FLNB: variants seen among roughly 807,000 people sequenced by gnomAD.
FLNB encodes filamin-B.
A neutral mutation model predicts 250.6 loss-of-function variants in FLNB; 111 were observed. The observed-to-expected ratio is 0.44, with a 90% CI of 0.38 to 0.52. FLNB has a LOEUF of 0.52. FLNB is among the 20% of genes least tolerant of loss of function. The pLI, the probability that FLNB is intolerant of heterozygous loss-of-function variation, is 0.00. For missense variants in FLNB, 2,869 were observed against 3,447.8 expected (o/e 0.83, Z 4.20); for synonymous variants, 1,302 against 1,372.1 (o/e 0.95, Z 1.13).
chr3:58,078,297 A>C, intron 2 of FLNB: 1 of 1,432,480 alleles, frequency 7.0e-7, no homozygotes. Flanking sequence ...GGCTTTTAAG[A>C]TAATTCTAGG....
intron 1 of FLNB, among the ~76,000 whole-genome samples, chr3:58,053,166 T>C (rs2097165169): frequency 6.6e-6 from 1 of 152,230 alleles, no homozygotes; most frequent in African/African-American, 2.4e-5. Flanking sequence ...AGACTTCCCA[T>C]CTGTGTCTAC....
At chr3:58,127,481 T>C (rs2097299948) in intron 24 of FLNB, among the ~76,000 whole-genome samples, 1 of 152,240 alleles carries the variant, frequency 6.6e-6, no homozygotes, top group Non-Finnish European at 1.5e-5. Flanking sequence ...AGTGATGTCA[T>C]GTGTAATCAC....
chr3:58,100,373 A>AAAATATATATATATATAT, intron 8 of FLNB, among the ~76,000 whole-genome samples: 7 of 104,380 alleles, frequency 6.7e-5, no homozygotes, highest in Admixed American at 2.1e-4. Context: ...GTAAAAAAAA[A>AAAATATATATATATATAT]ATATATATAT....
intron 1 of FLNB, among the ~76,000 whole-genome samples, chr3:58,060,655 C>A (rs2097176764): frequency 6.7e-6 from 1 of 150,046 alleles, no homozygotes; most frequent in African/African-American, 2.4e-5. Flanking sequence ...GCCTGGCTGA[C>A]CCAAAAAATT....
chr3:58,161,258 T>G (rs980202978), intron 42 of FLNB, among the ~76,000 whole-genome samples: 1 of 152,154 alleles, frequency 6.6e-6, no homozygotes, highest in Admixed American at 6.5e-5. Flanking sequence ...ATGTTCCACG[T>G]AGCTTAGTGA....
intron 36 of FLNB, chr3:58,149,632 G>A (rs528692115): frequency 2.0e-5 from 12 of 607,052 alleles, no homozygotes; most frequent in Non-Finnish European, 3.5e-5. Flanking sequence ...GGCTTCTGTG[G>A]TCAAAACCAG....
chr3:58,100,214 A>G (rs890943570), intron 8 of FLNB, among the ~76,000 whole-genome samples: 1 of 151,772 alleles, frequency 6.6e-6, no homozygotes, highest in African/African-American at 2.4e-5. Context: ...AGCTTTCCTA[A>G]TTCTACTATT....
intron 32 of FLNB, 142 bp from the exon 33 acceptor site, chr3:58,145,779 G>A: frequency 1.1e-6 from 1 of 936,208 alleles, no homozygotes; most frequent in South Asian, 1.3e-5. Flanking sequence ...GGAGGTGCAT[G>A]TGCATCTCCT....
rs73075944 is a variant in FLNB at position 58,169,132 on chromosome 3, G to C, written c.7418-458G>C. The C allele has an allele frequency of 0.16, 43,675 of 274,164 alleles. 4,006 individuals carry two copies. The highest frequency in any genetic ancestry group is 0.22 in the Middle Eastern group (166 of 740). 17.0% of individuals were successfully genotyped at this position (274,164 alleles called of 1,614,324 possible). A position where few individuals can be genotyped will look rare whatever the true frequency, so the allele number is the denominator to read the frequency against. On this transcript the variant is annotated intron_variant, in intron 44 of 45. Coordinates refer to ENST00000295956, the MANE Select transcript of FLNB (RefSeq NM_001457.4). This position sits in a 1 kb window ranked among gnomAD's most constrained non-coding sequence, Gnocchi z 4.8. The stretch of plus-strand genomic sequence containing the variant: ...TCCCTTCCACACGTCATGATTCACT[G>C]TTACATAAAGAATGTAGGTTCATCG...
chr3:58,146,689 A>C (rs2107264502), intron 33 of FLNB, 131 bp from the exon 34 acceptor site: 1 of 905,280 alleles, frequency 1.1e-6, no homozygotes, highest in East Asian at 2.6e-5. Flanking sequence ...CCCTTTGCCC[A>C]CAGCTCACGT....
chr3:58,150,555 C>T (rs964483373), intron 38 of FLNB: 9 of 373,144 alleles, frequency 2.4e-5, no homozygotes, highest in African/African-American at 1.9e-4. Context: ...AAGAACTGGC[C>T]CTGCCGATGC....
chr3:58,153,036 TAA>T (rs1042561243), intron 38 of FLNB, among the ~76,000 whole-genome samples: 5 of 152,252 alleles, frequency 3.3e-5, no homozygotes, highest in Non-Finnish European at 7.3e-5. Flanking sequence ...TCTTGTTGCC[TAA>T]AAGAAATGCC....
intron 1 of FLNB, among the ~76,000 whole-genome samples, chr3:58,040,525 G>C (rs1200407176): frequency 6.6e-6 from 1 of 152,174 alleles, no homozygotes; most frequent in Non-Finnish European, 1.5e-5. Context: ...ATGGAATCCT[G>C]CTCTTGTCAC....
chr3:58,076,466 A>C (rs750899470), intron 1 of FLNB, among the ~76,000 whole-genome samples: 5 of 152,000 alleles, frequency 3.3e-5, no homozygotes, highest in Non-Finnish European at 7.4e-5. Context: ...GATTTCTTTC[A>C]ATTTTTGAGA....
At chr3:58,078,645 T>A in intron 2 of FLNB, 72 bp from the exon 3 acceptor site, 1 of 1,521,494 alleles carries the variant, frequency 6.6e-7, no homozygotes. Context: ...ATGGGGTTAG[T>A]TTAGGCACAT....
rs543836505 is a variant in FLNB at position 58,042,247 on chromosome 3, C to T, written c.292+33391C>T. On this transcript the variant is annotated intron_variant, in intron 1 of 45. Transcript: ENST00000295956. ...AGTGGACTTGGCCTCCTCTTTGATG[C>T]GGGTAAACTTTAGATTTGCATTAGC... 2.2e-4 allele frequency among the ~76,000 whole-genome samples: 33 copies of T among 151,720 alleles called. No homozygotes were observed. The South Asian group carries it at 6.2e-3, about 29-fold the overall frequency.
In FLNB at chr3:58,123,575, G is replaced by T. The variant is rs771685697; in HGVS notation, c.3609G>T (p.Thr1203=). 6.2e-7 allele frequency: 1 copy of T among 1,612,268 alleles called. No individual in the cohort carries two copies. Among genetic ancestry groups the T allele is most frequent in the African/African-American group, 1.3e-5 (1 of 74,930 alleles). Reference sequence around the variant, plus strand: ...TGCCCCTGACGGCCGGCATGTACACGTTGACCATGAAGTATGGTGGCGAAC... The same window carrying T: ...TGCCCCTGACGGCCGGCATGTACACTTTGACCATGAAGTATGGTGGCGAAC... ...TYVPLTAGMY[T]LTMKYGGELV... is the part of the protein sequence containing the mutation. Residue 1203 remains threonine, a synonymous_variant, in exon 21 of 46, where the codon ACG becomes ACT. Transcript: ENST00000295956.
At chr3:58,152,854 C>A (rs544879495) in intron 38 of FLNB, 3 of 684,790 alleles carry the variant, frequency 4.4e-6, no homozygotes, top group Non-Finnish European at 6.6e-6. Flanking sequence ...GTTGGCATGA[C>A]GTGAGCAGCT....
At chr3:58,130,604 G>A in intron 24 of FLNB, 137 bp from the exon 25 acceptor site, 1 of 765,342 alleles carries the variant, frequency 1.3e-6, no homozygotes, top group East Asian at 2.7e-5. Context: ...CATGAGCAGT[G>A]CACACAGTGA....
Sources: allele counts gnomAD v4.1 joint callset (sites outside exome capture counted in the v4.1 genomes callset), GRCh38; gene constraint gnomAD v4.1.1; non-coding constraint Gnocchi (gnomAD v3.1); transcripts MANE v1.5; gene names NCBI Gene and HGNC (gene_info 2026-07-23, HGNC 2026-07-21).